The following PCDH15 variants were observed in gnomAD, a reference collection of about 807,000 sequenced individuals.
The protein encoded by PCDH15 is protocadherin related 15, also known as protocadherin-15.
In PCDH15, 129 loss-of-function variants were observed where a neutral mutation model predicts 178.5. The ratio of observed to expected loss-of-function variants is 0.72; its 90% CI spans 0.63 to 0.84. The LOEUF (loss-of-function observed/expected upper bound fraction) is 0.84, where lower values mean the gene tolerates loss of function less well. Among genes scored for constraint, PCDH15 ranks in the 40% least tolerant of loss-of-function variants. PCDH15 has a pLI of 0.00. For missense variants in PCDH15, 2,230 were observed against 2,099.9 expected (o/e 1.06, Z -1.21); for synonymous variants, 800 against 732.0 (o/e 1.09, Z -1.50).
chr10:54,121,517 C>T (rs2095219254), intron 15 of PCDH15, among the ~76,000 whole-genome samples: 1 of 151,962 alleles, frequency 6.6e-6, no homozygotes, highest in Admixed American at 6.6e-5. Flanking sequence ...ATAGTTGGTT[C>T]TTTGACAGGA....
chr10:55,379,191 C>A (rs1808848776), intron 2 of PCDH15, among the ~76,000 whole-genome samples: 1 of 151,804 alleles, frequency 6.6e-6, no homozygotes, highest in Non-Finnish European at 1.5e-5. Flanking sequence ...GATCAAGAAT[C>A]TGCCTTTCCC....
chr10:55,585,737 G>C (rs1216413932), intron 2 of PCDH15, among the ~76,000 whole-genome samples: 1 of 151,994 alleles, frequency 6.6e-6, no homozygotes, highest in Non-Finnish European at 1.5e-5. Flanking sequence ...GTGTATATGT[G>C]TGTGTATATA....
intron 21 of PCDH15, chr10:53,994,713 C>T (rs1040478969): frequency 1.9e-4 from 29 of 152,080 alleles, no homozygotes; most frequent in Non-Finnish European, 3.7e-4. Flanking sequence ...TTAAAGCCCA[C>T]CACTTTCATA....
At chr10:54,432,245 C>T (rs532274434) in intron 3 of PCDH15, among the ~76,000 whole-genome samples, 2 of 151,552 alleles carry the variant, frequency 1.3e-5, no homozygotes, top group South Asian at 4.2e-4. Context: ...AATCATAAAA[C>T]ACCCAGAAGA....
chr10:54,882,570 T>C (rs1182831253), intron 3 of PCDH15, among the ~76,000 whole-genome samples: 1 of 152,106 alleles, frequency 6.6e-6, no homozygotes, highest in African/African-American at 2.4e-5. Flanking sequence ...AAACATCTAT[T>C]AAATGAGGAA....
At chr10:55,390,271 T>G (rs1276522677) in intron 2 of PCDH15, among the ~76,000 whole-genome samples, 1 of 152,208 alleles carries the variant, frequency 6.6e-6, no homozygotes, top group Non-Finnish European at 1.5e-5. Context: ...AATGATCATC[T>G]GAGTCCTCAG....
chr10:55,377,866 A>G (rs1311063215), intron 2 of PCDH15, among the ~76,000 whole-genome samples: 1 of 152,146 alleles, frequency 6.6e-6, no homozygotes, highest in African/African-American at 2.4e-5. Flanking sequence ...ATCATGGAAT[A>G]CTATGCAGCC....
chr10:54,174,555 A>G (rs1184789703), intron 13 of PCDH15, among the ~76,000 whole-genome samples: 1 of 151,912 alleles, frequency 6.6e-6, no homozygotes, highest in East Asian at 1.9e-4. Context: ...AGGTAGATGC[A>G]TTAAATAAGT....
chr10:55,309,910 T>C (rs1169629735), intron 1 of PCDH15, among the ~76,000 whole-genome samples: 1 of 152,164 alleles, frequency 6.6e-6, no homozygotes, highest in East Asian at 1.9e-4. Context: ...GTTGCTTGAC[T>C]TATTTAGCCT....
At chr10:54,425,704 C>G (rs1956192605) in intron 3 of PCDH15, among the ~76,000 whole-genome samples, 1 of 152,086 alleles carries the variant, frequency 6.6e-6, no homozygotes, top group Admixed American at 6.6e-5. Flanking sequence ...ATCAGTCTGG[C>G]ATTGTGATAA....
chr10:54,143,764 C>G (rs1455157901), intron 14 of PCDH15, among the ~76,000 whole-genome samples: 1 of 152,060 alleles, frequency 6.6e-6, no homozygotes, highest in Non-Finnish European at 1.5e-5. Flanking sequence ...GTAGAGTATA[C>G]TTTTGTAAAC....
intron 3 of PCDH15, among the ~76,000 whole-genome samples, chr10:54,886,724 C>A (rs563997894): frequency 6.6e-6 from 1 of 152,310 alleles, no homozygotes; most frequent in African/African-American, 2.4e-5. Flanking sequence ...AAGGCGCCAG[C>A]CTAGGCGACA....
At chr10:55,357,431 T>C (rs752661419) in intron 2 of PCDH15, among the ~76,000 whole-genome samples, 18 of 152,032 alleles carry the variant, frequency 1.2e-4, no homozygotes, top group Admixed American at 7.2e-4. Context: ...AAACTTTCAA[T>C]AGAAGGAAGT....
chr10:55,530,100 AT>A (rs1453259548), intron 2 of PCDH15, among the ~76,000 whole-genome samples: 1 of 151,680 alleles, frequency 6.6e-6, no homozygotes, highest in African/African-American at 2.4e-5. Context: ...TTATTTCACT[AT>A]TTGTGTATAA....
At chr10:54,534,444 T>C (rs1451113832) in intron 2 of PCDH15, among the ~76,000 whole-genome samples, 1 of 152,074 alleles carries the variant, frequency 6.6e-6, no homozygotes. Flanking sequence ...ACTTGAAGCT[T>C]AAAAAAAGTA....
intron 3 of PCDH15, among the ~76,000 whole-genome samples, chr10:54,816,894 C>T (rs1175879611): frequency 6.6e-6 from 1 of 152,032 alleles, no homozygotes; most frequent in African/African-American, 2.4e-5. Flanking sequence ...GGTCCCTCCT[C>T]TTACTTCATG....
intron 8 of PCDH15, among the ~76,000 whole-genome samples, chr10:54,277,247 C>T (rs1005903371): frequency 6.6e-6 from 1 of 151,584 alleles, no homozygotes; most frequent in African/African-American, 2.4e-5. Context: ...GATAACCTAG[C>T]ATACGCTGAC....
At chr10:55,020,274 C>T (rs1028097509) in intron 2 of PCDH15, among the ~76,000 whole-genome samples, 5 of 150,710 alleles carry the variant, frequency 3.3e-5, no homozygotes, top group Admixed American at 6.6e-5. Context: ...ATAAATAATC[C>T]CTTTCTACAA....
At chr10:55,578,892 CTA>C (rs1288801304) in intron 2 of PCDH15, among the ~76,000 whole-genome samples, 1 of 152,046 alleles carries the variant, frequency 6.6e-6, no homozygotes, top group Non-Finnish European at 1.5e-5. Context: ...ATCCACCCCC[CTA>C]TGATTCAATT....
Sources: gnomAD v4.1 joint callset for allele counts (sites outside exome capture counted in the v4.1 genomes callset) on GRCh38, gnomAD v4.1.1 for gene constraint, MANE v1.5 for transcripts, NCBI Gene and HGNC (gene_info 2026-07-23, HGNC 2026-07-21) for gene names.